Variants in HSD17B4 observed in about 807,000 individuals in gnomAD.
HSD17B4 encodes peroxisomal multifunctional enzyme type 2.
In HSD17B4, 70 loss-of-function variants were observed where a neutral mutation model predicts 101.0. That is an observed-to-expected ratio of 0.69 (90% confidence interval 0.57 to 0.85). The LOEUF is 0.85. HSD17B4 is among the 40% of genes least tolerant of loss of function. The pLI, the probability that HSD17B4 is intolerant of heterozygous loss-of-function variation, is 0.00. For synonymous variants in HSD17B4, 347 were observed against 297.1 expected, an observed-to-expected ratio of 1.17 and a Z score of -1.73; for missense variants, 984 against 892.4, an observed-to-expected ratio of 1.10 and a Z score of -1.31.
chr5:119,458,704 A>T (rs559150837), intron 2 of HSD17B4, among the ~76,000 whole-genome samples: 1 of 152,158 alleles, frequency 6.6e-6, no homozygotes, highest in Non-Finnish European at 1.5e-5. Flanking sequence ...TATGATTGCT[A>T]TGTTTTATAT....
intron 16 of HSD17B4, among the ~76,000 whole-genome samples, chr5:119,510,996 T>C (rs1450607678): frequency 6.6e-6 from 1 of 152,208 alleles, no homozygotes; most frequent in African/African-American, 2.4e-5. Context: ...TTGAGAATAC[T>C]GGGGCCCTGA....
chr5:119,494,143 G>A (rs571058276), intron 11 of HSD17B4, among the ~76,000 whole-genome samples, 197 bp downstream of exon 11: 2 of 152,200 alleles, frequency 1.3e-5, no homozygotes, highest in South Asian at 2.1e-4. Context: ...CAGTTTTTCA[G>A]CTTTATTATA....
intron 2 of HSD17B4, among the ~76,000 whole-genome samples, chr5:119,469,986 A>T (rs1034483611): frequency 6.6e-6 from 1 of 151,974 alleles, no homozygotes; most frequent in Non-Finnish European, 1.5e-5. Flanking sequence ...TGCATGGTAG[A>T]TCCTCCATGG....
chr5:119,530,858 A>C (rs1429748969), intron 21 of HSD17B4, among the ~76,000 whole-genome samples: 4 of 134,484 alleles, frequency 3.0e-5, no homozygotes, highest in Non-Finnish European at 4.7e-5. Context: ...AAAAAAAAAA[A>C]AAAAACAAAA....
chr5:119,500,437 A>G (rs1463447059), intron 13 of HSD17B4, among the ~76,000 whole-genome samples: 1 of 152,110 alleles, frequency 6.6e-6, no homozygotes, highest in Non-Finnish European at 1.5e-5. Context: ...GTAATTACAT[A>G]TGGCATTATG....
chr5:119,519,712 A>G (rs1367282744), intron 17 of HSD17B4, among the ~76,000 whole-genome samples: 1 of 152,180 alleles, frequency 6.6e-6, no homozygotes, highest in East Asian at 1.9e-4. Flanking sequence ...TTTTATTTGG[A>G]CCTTTAGGAC....
At position 119,452,587 on chromosome 5, in the gene HSD17B4, G is replaced by A. The variant is rs1754154891; in HGVS notation, c.12G>A (p.Pro4=). Residue 4 remains proline, a synonymous_variant, in exon 1 of 24, where the codon CCG becomes CCA. Coordinates refer to ENST00000510025, the MANE Select transcript of HSD17B4 (RefSeq NM_000414.4). MGS[P]LRFDGRVVLV... is the part of the protein sequence containing the mutation. ...TGCAGGCCTTATTCATGGGCTCACC[G>A]CTGAGGTTCGACGGGCGGGTGGTAC... 2 of 1,614,052 alleles carry A rather than the reference G, an allele frequency of 1.2e-6. No individual in the cohort carries two copies. The highest frequency in any genetic ancestry group is 4.5e-5 in the East Asian group (2 of 44,848).
At chr5:119,467,173 T>A (rs1243699594) in intron 2 of HSD17B4, among the ~76,000 whole-genome samples, 1 of 152,194 alleles carries the variant, frequency 6.6e-6, no homozygotes, top group East Asian at 1.9e-4. Flanking sequence ...TGAGGCTTAT[T>A]TTGTGGCCTG....
chr5:119,489,160 T>C (rs1749868195), intron 8 of HSD17B4, 32 bp from the exon 9 acceptor site: 1 of 1,353,758 alleles, frequency 7.4e-7, no homozygotes, highest in Non-Finnish European at 1.1e-6. Context: ...AGTAAAATGA[T>C]TGATAAGATA....
At chr5:119,509,723 C>G (rs543545680) in intron 16 of HSD17B4, among the ~76,000 whole-genome samples, 2 of 152,216 alleles carry the variant, frequency 1.3e-5, no homozygotes, top group South Asian at 4.2e-4. Flanking sequence ...TACAAATGCT[C>G]GATTTGCTCA....
chr5:119,470,292 G>A (rs967831635), intron 2 of HSD17B4, among the ~76,000 whole-genome samples: 12 of 152,022 alleles, frequency 7.9e-5, no homozygotes, highest in African/African-American at 2.9e-4. Flanking sequence ...GCAGCCTTCT[G>A]TGTGGGCATG....
At chr5:119,532,887 G>T (rs1401745361) in intron 22 of HSD17B4, among the ~76,000 whole-genome samples, 3 of 152,000 alleles carry the variant, frequency 2.0e-5, no homozygotes, top group Non-Finnish European at 4.4e-5. Context: ...ATGATTCACT[G>T]GTGGTGAAGT....
At chr5:119,507,064 A>G (rs1751718477) in intron 15 of HSD17B4, among the ~76,000 whole-genome samples, 175 bp downstream of exon 15, 1 of 152,192 alleles carries the variant, frequency 6.6e-6, no homozygotes, top group Non-Finnish European at 1.5e-5. Context: ...GGGGAGAAGC[A>G]TTTATTTCTG....
intron 9 of HSD17B4, among the ~76,000 whole-genome samples, chr5:119,489,909 C>A (rs149851953): frequency 2.2e-4 from 34 of 152,072 alleles, no homozygotes; most frequent in Admixed American, 2.2e-3. Flanking sequence ...GCAGTGAGAT[C>A]CATTGTTCAC....
At chr5:119,511,995 T>G (rs571175952) in intron 16 of HSD17B4, among the ~76,000 whole-genome samples, 2 of 152,244 alleles carry the variant, frequency 1.3e-5, no homozygotes, top group East Asian at 3.9e-4. Flanking sequence ...CATGCTTAAA[T>G]GTTACTAAAT....
At chr5:119,459,873 C>CT (rs545329527) in intron 2 of HSD17B4, among the ~76,000 whole-genome samples, 1,756 of 142,378 alleles carry the variant, frequency 0.012, 29 homozygotes, top group African/African-American at 0.038. Flanking sequence ...CCCCACATCT[C>CT]TTTTTTTTTT....
At chr5:119,463,228 T>C (rs1228159185) in intron 2 of HSD17B4, among the ~76,000 whole-genome samples, 1 of 152,240 alleles carries the variant, frequency 6.6e-6, no homozygotes, top group Non-Finnish European at 1.5e-5. Context: ...ATGTATTGTG[T>C]GCCACATTTT....
chr5:119,533,001 G>C (rs1486425585), intron 22 of HSD17B4, among the ~76,000 whole-genome samples: 23 of 151,980 alleles, frequency 1.5e-4, no homozygotes, highest in Admixed American at 1.5e-3. Context: ...TGCACCATTG[G>C]GGGCCTTTTG....
At chr5:119,471,301 G>C (rs1756341177) in intron 2 of HSD17B4, among the ~76,000 whole-genome samples, 1 of 151,376 alleles carries the variant, frequency 6.6e-6, no homozygotes, top group Non-Finnish European at 1.5e-5. Context: ...CTATTATTTT[G>C]TGTCTTGTAA....
Sources: gnomAD v4.1 joint callset for allele counts (sites outside exome capture counted in the v4.1 genomes callset) on GRCh38, gnomAD v4.1.1 for gene constraint, MANE v1.5 for transcripts, NCBI Gene and HGNC (gene_info 2026-07-23, HGNC 2026-07-21) for gene names.